MED14: variants seen among roughly 807,000 people sequenced by gnomAD.
MED14 encodes the protein mediator complex subunit 14.
In MED14, 8 loss-of-function variants were observed where a neutral mutation model predicts 109.0. That is an observed-to-expected ratio of 0.07 (90% CI 0.04 to 0.13). The LOEUF (loss-of-function observed/expected upper bound fraction) is 0.13, where lower values mean the gene tolerates loss of function less well. Ranked by LOEUF, MED14 falls within the 10% of genes least tolerant of loss-of-function variation. MED14 has a pLI of 1.00. For synonymous variants in MED14, 399 were observed against 408.7 expected (o/e 0.98, Z 0.29); for missense variants, 711 against 1,142.4 (o/e 0.62, Z 5.44).
chrX:40,726,873 A>G, intron 2 of MED14, 22 bp from the exon 3 acceptor site: 1 of 1,098,417 alleles, frequency 9.1e-7, no homozygotes, highest in East Asian at 3.0e-5. Context: ...AACAACTCTT[A>G]ATGAACCAAC....
intron 13 of MED14, among the ~76,000 whole-genome samples, chrX:40,696,772 C>A (rs1407292360): frequency 1.8e-5 from 2 of 111,610 alleles, no homozygotes; most frequent in Non-Finnish European, 3.8e-5. Context: ...TTTATTCTTA[C>A]AGAGATGTCT....
At chrX:40,735,639 G>T, upstream of MED14, 1 of 497,618 alleles carries the variant, frequency 2.0e-6, no homozygotes, top group South Asian at 2.5e-5. Context: ...CGGGGATGGG[G>T]GGGAAGCAGG....
Position 40,709,422 on chromosome X carries a change from C to T in MED14, c.1211G>A (p.Ser404Asn). ...CTTCTGATGAGCTCTTGCATGGACA[C>T]TGTCAATCAGGAGTTTTTCTATTGA... ...HLSIEKLLIDSVHARAHQKLQ... is the reference protein window; with the variant it reads ...HLSIEKLLIDNVHARAHQKLQ... The change falls in exon 10 of 31, where the codon AGT (serine) becomes AAT (asparagine). Residue 404 changes from serine to asparagine, a missense_variant. Physicochemically the swap from Ser to Asn is conservative, Grantham distance 46. Around this residue, in one of 8 missense-constraint regions of MED14, gnomAD observed 388 missense variants for 517.3 expected, o/e 0.75. Coordinates refer to ENST00000324817, the MANE Select transcript of MED14 (RefSeq NM_004229.4). The T allele has an allele frequency of 8.8e-7, 1 of 1,141,181 alleles. No individual in the cohort carries two copies. 94.0% of individuals were successfully genotyped at this position (1,141,181 alleles called of 1,213,427 possible).
chrX:40,683,223 A>C (rs1208405021), intron 16 of MED14, among the ~76,000 whole-genome samples: 1 of 112,588 alleles, frequency 8.9e-6, no homozygotes, highest in Non-Finnish European at 1.9e-5. Context: ...CTTTATTCAT[A>C]ATTTTGTTCT....
chrX:40,700,633 G>A (rs899997136), intron 12 of MED14, among the ~76,000 whole-genome samples: 1 of 110,534 alleles, frequency 9.0e-6, no homozygotes, highest in Non-Finnish European at 1.9e-5. Context: ...GTTGCTATAA[G>A]GGTACCTTTG....
At chrX:40,735,096 C>A in intron 1 of MED14, 102 bp downstream of exon 1, 1 of 590,542 alleles carries the variant, frequency 1.7e-6, no homozygotes, top group Non-Finnish European at 2.5e-6. Context: ...AGCAGTCCAG[C>A]GGAGAACACA....
rs200599747 is a variant in MED14, at chrX:40,701,239, C to G, written c.1416G>C (p.Gln472His). 3.5e-5 allele frequency: 41 copies of G among 1,185,954 alleles called. No individual in the cohort carries two copies. In the African/African-American group the frequency reaches 6.3e-4, roughly 18 times the overall value. ...ACTTCTCCATGTCATCCAGAGTGGC[C>G]TGGTCTACAGAATAAAGCACTTCAT... ...MFQLMLYGLDQATLDDMEKSV... is the reference protein window; with the variant it reads ...MFQLMLYGLDHATLDDMEKSV... The change falls in exon 12 of 31, where the codon CAG (glutamine) becomes CAC (histidine). Residue 472 changes from glutamine (Q) to histidine (H), a missense_variant. This residue lies in a region of MED14 where 388 missense variants were observed against 517.3 expected (regional missense o/e 0.75). Transcript: ENST00000324817.
At chrX:40,685,930 C>A (rs1440562311) in intron 16 of MED14, among the ~76,000 whole-genome samples, 1 of 111,834 alleles carries the variant, frequency 8.9e-6, no homozygotes, top group Non-Finnish European at 1.9e-5. Flanking sequence ...ATTAATATAT[C>A]CAGAACTAAA....
chrX:40,703,722 T>C (rs1405655776), intron 10 of MED14, among the ~76,000 whole-genome samples, 153 bp from the exon 11 acceptor site: 1 of 112,766 alleles, frequency 8.9e-6, no homozygotes, highest in African/African-American at 3.2e-5. Flanking sequence ...AGTATTATTA[T>C]GTCAGTTAGC....
chrX:40,679,860 T>C lies in MED14; in HGVS notation c.2880+4A>G. The stretch of plus-strand genomic sequence containing the variant: ...ACTCATGTTATAACACTAAAGTCTG[T>C]TACCTTTAGTCCTGGTGCAGGATAG... On this transcript the variant is annotated splice_donor_region_variant and intron_variant, in intron 21 of 30. Coordinates refer to ENST00000324817, the MANE Select transcript of MED14 (RefSeq NM_004229.4). The C allele has an allele frequency of 8.3e-7, 1 of 1,207,742 alleles. No homozygotes were observed. The highest frequency in any genetic ancestry group is 1.1e-6 in the Non-Finnish European group (1 of 891,993).
chrX:40,670,777 A>T lies in MED14; in HGVS notation c.3133+1084T>A, dbSNP rs747151358. The stretch of plus-strand genomic sequence containing the variant: ...AGCGAGACTCTGTCTCAAAAAAAAA[A>T]AAAAATAAAAAAAATAAAGGAGAAC... On this transcript the variant is annotated intron_variant, in intron 23 of 30. Coordinates refer to ENST00000324817, the MANE Select transcript of MED14 (RefSeq NM_004229.4). Among the ~76,000 whole-genome samples the T allele has an allele frequency of 3.8e-3, 416 of 109,395 alleles. 4 individuals are homozygous for T. The highest frequency in any genetic ancestry group is 0.013 in the African/African-American group (387 of 29,000). The allele number at this position is 109,395 out of a possible 115,157, so 95.0% of individuals were successfully genotyped here. A position where few individuals can be genotyped will look rare whatever the true frequency, so the allele number is the denominator to read the frequency against.
intron 28 of MED14, among the ~76,000 whole-genome samples, chrX:40,658,819 C>T (rs1929164980): frequency 9.1e-6 from 1 of 110,058 alleles, no homozygotes; most frequent in African/African-American, 3.3e-5. Context: ...ACTGAGATCT[C>T]ATCACTGCAC....
At chrX:40,715,476 T>A (rs1286887434) in intron 3 of MED14, among the ~76,000 whole-genome samples, 7 of 110,507 alleles carry the variant, frequency 6.3e-5, no homozygotes, top group Admixed American at 1.9e-4. Flanking sequence ...GAAGAAAGCA[T>A]TGGAAAAATG....
rs926733210 is a variant in MED14 at position 40,694,726 on chromosome X, C to T, written c.1651-1824G>A. ...AACTGTTGGCAAGCATGAGGAGCAA[C>T]GAGAACTCTCATATATTGCTGGCTG... is the stretch of plus-strand genomic sequence containing the variant. On this transcript the variant is annotated intron_variant, in intron 13 of 30. Transcript: ENST00000324817. 1.1e-4 allele frequency among the ~76,000 whole-genome samples: 12 copies of T among 112,034 alleles called. No homozygotes were observed. The East Asian group carries it at 1.1e-3, about 10-fold the overall frequency.
chrX:40,732,470 G>A (rs1228463892), intron 1 of MED14, among the ~76,000 whole-genome samples: 3 of 107,252 alleles, frequency 2.8e-5, no homozygotes, highest in Admixed American at 9.9e-5. Context: ...AGCAAGCCGA[G>A]ATCACACCAC....
chrX:40,687,312 C>A (rs1930331339), intron 16 of MED14, among the ~76,000 whole-genome samples: 1 of 111,572 alleles, frequency 9.0e-6, no homozygotes, highest in Non-Finnish European at 1.9e-5. Context: ...TCTCCTAACT[C>A]CTTGTGGAAC....
At chrX:40,711,463 T>C (rs1931333366) in intron 7 of MED14, among the ~76,000 whole-genome samples, 162 bp from the exon 8 acceptor site, 1 of 112,053 alleles carries the variant, frequency 8.9e-6, no homozygotes, top group Non-Finnish European at 1.9e-5. Flanking sequence ...GTAAAAAGTA[T>C]TATAATTTAT....
At chrX:40,727,456 G>A (rs746631063) in intron 2 of MED14, among the ~76,000 whole-genome samples, 10 of 111,389 alleles carry the variant, frequency 9.0e-5, no homozygotes, top group Admixed American at 5.7e-4. Context: ...CAAAGCTAAA[G>A]AAATTATGTT....
intron 7 of MED14, 35 bp downstream of exon 7, chrX:40,712,151 C>T: frequency 9.5e-7 from 1 of 1,058,197 alleles, no homozygotes; most frequent in Non-Finnish European, 1.3e-6. Flanking sequence ...CCACAAAATC[C>T]TTACAAATAT....
Sources: allele counts gnomAD v4.1 joint callset (sites outside exome capture counted in the v4.1 genomes callset), GRCh38; gene constraint gnomAD v4.1.1; regional missense constraint gnomAD v4.1.1; transcripts MANE v1.5; gene names NCBI Gene and HGNC (gene_info 2026-07-23, HGNC 2026-07-21).